DCC: variants seen among roughly 807,000 people sequenced by gnomAD.
DCC encodes DCC netrin 1 receptor, also known as netrin receptor DCC.
A neutral mutation model predicts 172.5 loss-of-function variants in DCC; 58 were observed. The ratio of observed to expected loss-of-function variants is 0.34; its 90% CI spans 0.27 to 0.42. The LOEUF is 0.42. Among genes scored for constraint, DCC ranks in the 10% least tolerant of loss-of-function variants. DCC has a pLI of 1.00. For synonymous variants in DCC, 709 were observed against 644.5 expected, an observed-to-expected ratio of 1.10 and a Z score of -1.52; for missense variants, 1,740 against 1,791.0, an observed-to-expected ratio of 0.97 and a Z score of 0.51.
intron 19 of DCC, among the ~76,000 whole-genome samples, chr18:53,409,462 A>G (rs140521253): frequency 1.1e-3 from 175 of 152,308 alleles, no homozygotes; most frequent in African/African-American, 4.2e-3. Flanking sequence ...GCATTGAAGA[A>G]TTGTGGCAGA....
At position 52,949,966 on chromosome 18, in the gene DCC, C is replaced by A. The variant is rs371331995; in HGVS notation, c.985+24596C>A. On this transcript the variant is annotated intron_variant, in intron 5 of 28. Transcript: ENST00000442544. Reference sequence around the variant, plus strand: ...TAATACAGTAGTCAGGGACATCTCACCTATTTGACAATTATTTATTGAGGA... The same window carrying A: ...TAATACAGTAGTCAGGGACATCTCAACTATTTGACAATTATTTATTGAGGA... Among the ~76,000 whole-genome samples, 37 of 152,310 alleles carry A rather than the reference C, an allele frequency of 2.4e-4. No homozygotes were observed. The South Asian group carries it at 4.6e-3, about 19-fold the overall frequency.
chr18:53,391,359 A>T (rs1267685410), intron 16 of DCC, among the ~76,000 whole-genome samples: 2 of 152,202 alleles, frequency 1.3e-5, no homozygotes. Flanking sequence ...TGCAACATTT[A>T]AAAAATAGTC....
At chr18:52,896,672 T>C (rs974293401) in intron 2 of DCC, among the ~76,000 whole-genome samples, 1 of 152,208 alleles carries the variant, frequency 6.6e-6, no homozygotes, top group Non-Finnish European at 1.5e-5. Flanking sequence ...GTTATTAAAA[T>C]GCTACCTAGA....
intron 25 of DCC, among the ~76,000 whole-genome samples, chr18:53,482,054 G>A (rs908252904): frequency 6.6e-6 from 1 of 152,056 alleles, no homozygotes; most frequent in Non-Finnish European, 1.5e-5. Flanking sequence ...GCATTTGTGT[G>A]TTTGTGTGTA....
intron 3 of DCC, among the ~76,000 whole-genome samples, chr18:52,913,350 A>C (rs1322022058): frequency 2.0e-5 from 3 of 152,054 alleles, no homozygotes; most frequent in Admixed American, 6.6e-5. Context: ...TTAAAACGTA[A>C]TTATTTATTT....
chr18:53,200,249 C>T (rs556499525), intron 9 of DCC, among the ~76,000 whole-genome samples: 1 of 152,318 alleles, frequency 6.6e-6, no homozygotes, highest in South Asian at 2.1e-4. Flanking sequence ...CACAGGCTCA[C>T]ATGCACACCA....
At chr18:52,421,828 C>T (rs549923299) in intron 1 of DCC, among the ~76,000 whole-genome samples, 6 of 152,086 alleles carry the variant, frequency 3.9e-5, no homozygotes, top group South Asian at 2.1e-4. Flanking sequence ...TTTTAGTGAT[C>T]CTTGTAGTAT....
At chr18:52,778,773 G>A (rs930600149) in intron 2 of DCC, among the ~76,000 whole-genome samples, 6 of 152,092 alleles carry the variant, frequency 3.9e-5, no homozygotes, top group African/African-American at 1.4e-4. Context: ...AAGATATTCT[G>A]TTTTATTATC....
At chr18:52,384,807 T>C (rs1214408841) in intron 1 of DCC, among the ~76,000 whole-genome samples, 1 of 152,180 alleles carries the variant, frequency 6.6e-6, no homozygotes, top group Non-Finnish European at 1.5e-5. Flanking sequence ...AAAATTAAAC[T>C]ACTTCACTGC....
At chr18:53,512,105 C>G (rs1379692841) in intron 27 of DCC, among the ~76,000 whole-genome samples, 1 of 152,094 alleles carries the variant, frequency 6.6e-6, no homozygotes, top group Non-Finnish European at 1.5e-5. Flanking sequence ...CAGCACGCAG[C>G]TGGAGATCTG....
intron 9 of DCC, among the ~76,000 whole-genome samples, chr18:53,179,357 A>G (rs2055159188): frequency 6.6e-6 from 1 of 152,218 alleles, no homozygotes; most frequent in Non-Finnish European, 1.5e-5. Context: ...CTATCTATGC[A>G]GTCTACTTAT....
intron 1 of DCC, among the ~76,000 whole-genome samples, chr18:52,657,011 A>G (rs1427951467): frequency 1.3e-5 from 2 of 152,206 alleles, no homozygotes; most frequent in African/African-American, 4.8e-5. Flanking sequence ...CATCATGTTT[A>G]GAGAAGGGGA....
At chr18:52,988,307 T>C (rs1317448850) in intron 5 of DCC, among the ~76,000 whole-genome samples, 1 of 152,116 alleles carries the variant, frequency 6.6e-6, no homozygotes, top group Non-Finnish European at 1.5e-5. Flanking sequence ...ATACAATTAT[T>C]AAACAGAGAT....
Position 52,802,659 on chromosome 18 carries a change from T to C in DCC, c.412+50285T>C, listed in dbSNP as rs1345632915. ...ACGCCAAGCCTTTTTTTTTTTTTTT[T>C]TTTTTTTTTTTTTTTTTTTTTTTTA... On this transcript the variant is annotated intron_variant, in intron 2 of 28. Transcript: ENST00000442544. 5.7e-3 allele frequency among the ~76,000 whole-genome samples: 456 copies of C among 80,692 alleles called. 16 individuals are homozygous for C. Among genetic ancestry groups the C allele is most frequent in the African/African-American group, 0.019 (422 of 22,002 alleles). The allele number at this position is 80,692 out of a possible 152,430, so 52.9% of individuals were successfully genotyped here.
chr18:52,700,253 C>T (rs533950369), intron 1 of DCC, among the ~76,000 whole-genome samples: 13 of 148,000 alleles, frequency 8.8e-5, no homozygotes, highest in African/African-American at 1.8e-4. Flanking sequence ...CACTCACACA[C>T]GCACATCCAC....
At chr18:53,206,241 CATAATACATATATACCACATATATGTATT>C (rs2055630117) in intron 10 of DCC, among the ~76,000 whole-genome samples, 1 of 89,842 alleles carries the variant, frequency 1.1e-5, no homozygotes, top group African/African-American at 4.7e-5. Flanking sequence ...ATGTGTTATA[CATAATACATATATACCACATATATGTATT>C]ATAACACATA....
chr18:53,136,211 A>ATCTATCTATCTATCTATCTATC (rs138628052), intron 7 of DCC, among the ~76,000 whole-genome samples: 1 of 150,240 alleles, frequency 6.7e-6, no homozygotes, highest in Non-Finnish European at 1.5e-5. Flanking sequence ...CTATCTATCT[A>ATCTATCTATCTATCTATCTATC]TATATATATA....
intron 15 of DCC, among the ~76,000 whole-genome samples, chr18:53,368,077 C>T (rs116893616): frequency 2.6e-3 from 394 of 152,238 alleles, no homozygotes; most frequent in Non-Finnish European, 4.3e-3. Context: ...TCTCTACAAC[C>T]CTGCCAACAC....
intron 5 of DCC, among the ~76,000 whole-genome samples, chr18:52,989,721 C>A (rs895064010): frequency 8.5e-5 from 13 of 152,092 alleles, no homozygotes; most frequent in Non-Finnish European, 1.9e-4. Context: ...GTTTCTTTTA[C>A]AGGAATGGTA....
Sources: gnomAD v4.1 joint callset for allele counts (sites outside exome capture counted in the v4.1 genomes callset) on GRCh38, gnomAD v4.1.1 for gene constraint, MANE v1.5 for transcripts, NCBI Gene and HGNC (gene_info 2026-07-23, HGNC 2026-07-21) for gene names.